The following SHISA6 variants were observed in gnomAD, a reference collection of about 807,000 sequenced individuals.
SHISA6 encodes shisa family member 6.
SHISA6 carries 22 observed loss-of-function variants against 47.9 expected under a neutral mutation model. The observed-to-expected ratio is 0.46, with a 90% CI of 0.33 to 0.66. The LOEUF is 0.66. SHISA6 is among the 30% of genes least tolerant of loss of function. SHISA6 has a pLI of 0.02. For synonymous variants in SHISA6, 388 were observed against 337.8 expected (o/e 1.15, Z -1.63); for missense variants, 680 against 764.6 (o/e 0.89, Z 1.30).
At chr17:11,456,283 G>A (rs1018242851) in intron 3 of SHISA6, among the ~76,000 whole-genome samples, 3 of 152,162 alleles carry the variant, frequency 2.0e-5, no homozygotes, top group Admixed American at 6.5e-5. Flanking sequence ...GCTCTGCACC[G>A]AGGCACCTGG....
chr17:11,506,056 TTCCACTGAAA>T lies in SHISA6; in HGVS notation c.896-45838_896-45829del, dbSNP rs565339970. Among the ~76,000 whole-genome samples, 113 of 152,328 alleles carry T rather than the reference TTCCACTGAAA, an allele frequency of 7.4e-4. 1 individual carries two copies. The highest frequency in any genetic ancestry group is 1.2e-3 in the Admixed American group (19 of 15,304). ...GCAACTGACCACTCCTAATGCAGATTTCCACTGAAATAGGAGATAGGGAACAATGCATATC... is the reference window on the plus strand; with the variant it reads ...GCAACTGACCACTCCTAATGCAGATTTAGGAGATAGGGAACAATGCATATC... On this transcript the variant is annotated intron_variant, in intron 3 of 5. Coordinates refer to ENST00000441885, the MANE Select transcript of SHISA6 (RefSeq NM_207386.4).
chr17:11,378,649 T>C (rs1912898920), intron 2 of SHISA6, among the ~76,000 whole-genome samples: 1 of 152,208 alleles, frequency 6.6e-6, no homozygotes, highest in African/African-American at 2.4e-5. Flanking sequence ...CTCTTTGAAT[T>C]TCTATCCACA....
intron 1 of SHISA6, among the ~76,000 whole-genome samples, chr17:11,249,283 CGTGT>C (rs749579629): frequency 6.6e-6 from 1 of 150,734 alleles, no homozygotes; most frequent in Non-Finnish European, 1.5e-5. Flanking sequence ...ATCCAGTGGC[CGTGT>C]GTGTGTGTGT....
At chr17:11,250,521 C>A (rs908991505) in intron 1 of SHISA6, among the ~76,000 whole-genome samples, 1 of 152,168 alleles carries the variant, frequency 6.6e-6, no homozygotes, top group Admixed American at 6.5e-5. Context: ...AGGCAGGTGA[C>A]AAGGGTTACC....
intron 1 of SHISA6, among the ~76,000 whole-genome samples, chr17:11,244,163 G>A (rs936745088): frequency 1.3e-5 from 2 of 152,190 alleles, no homozygotes; most frequent in Non-Finnish European, 2.9e-5. Context: ...CGGGAAGGGA[G>A]ATGAATTTCA....
intron 1 of SHISA6, among the ~76,000 whole-genome samples, chr17:11,247,861 G>A (rs769029802): frequency 6.7e-5 from 10 of 148,718 alleles, no homozygotes; most frequent in Non-Finnish European, 1.0e-4. Context: ...TGCAACTTCC[G>A]CCTCCCTGGT....
At chr17:11,390,229 A>T (rs551796991) in intron 3 of SHISA6, among the ~76,000 whole-genome samples, 1 of 152,218 alleles carries the variant, frequency 6.6e-6, no homozygotes, top group Non-Finnish European at 1.5e-5. Context: ...GGAGTCAGAC[A>T]TGCTGGACTT....
intron 3 of SHISA6, among the ~76,000 whole-genome samples, chr17:11,423,013 G>C (rs1011963134): frequency 1.3e-5 from 2 of 151,100 alleles, no homozygotes; most frequent in African/African-American, 4.9e-5. Flanking sequence ...AAAAAACAGA[G>C]GGAATTAAAA....
chr17:11,245,529 C>A (rs1597418334), intron 1 of SHISA6, among the ~76,000 whole-genome samples: 1 of 152,186 alleles, frequency 6.6e-6, no homozygotes, highest in African/African-American at 2.4e-5. Flanking sequence ...TGTCTCACAT[C>A]CAAACCTGTT....
At chr17:11,495,888 G>A (rs1009537811) in intron 3 of SHISA6, among the ~76,000 whole-genome samples, 4 of 152,292 alleles carry the variant, frequency 2.6e-5, no homozygotes, top group Admixed American at 2.6e-4. Context: ...AGAAGCTGAG[G>A]GAAAGAAGCG....
intron 3 of SHISA6, among the ~76,000 whole-genome samples, chr17:11,454,518 A>C (rs543262411): frequency 2.0e-5 from 3 of 152,276 alleles, no homozygotes; most frequent in Non-Finnish European, 4.4e-5. Context: ...ACACTCAGCC[A>C]ATTTTCCACT....
chr17:11,519,849 T>C (rs2071614581), intron 3 of SHISA6, among the ~76,000 whole-genome samples: 1 of 152,128 alleles, frequency 6.6e-6, no homozygotes, highest in Non-Finnish European at 1.5e-5. Flanking sequence ...TCATTTAACC[T>C]AGCTGAAGCA....
At chr17:11,285,981 C>T (rs1167776236) in intron 2 of SHISA6, among the ~76,000 whole-genome samples, 1 of 151,988 alleles carries the variant, frequency 6.6e-6, no homozygotes, top group Non-Finnish European at 1.5e-5. Flanking sequence ...GGATTACAGG[C>T]ACGTGCCACC....
chr17:11,473,352 G>T (rs1056084920), intron 3 of SHISA6, among the ~76,000 whole-genome samples: 5 of 152,078 alleles, frequency 3.3e-5, no homozygotes, highest in Non-Finnish European at 5.9e-5. Context: ...AAATTTATTT[G>T]TTATGGTTCT....
intron 3 of SHISA6, among the ~76,000 whole-genome samples, chr17:11,487,252 A>G (rs764130756): frequency 5.3e-5 from 8 of 152,212 alleles, no homozygotes; most frequent in East Asian, 1.9e-4. Flanking sequence ...AAGAGACTGA[A>G]TAAGTATCCT....
chr17:11,399,898 T>G (rs1442197692), intron 3 of SHISA6, among the ~76,000 whole-genome samples: 1 of 152,166 alleles, frequency 6.6e-6, no homozygotes, highest in Non-Finnish European at 1.5e-5. Context: ...AAATTAAATC[T>G]CCATAACTAA....
chr17:11,413,420 C>G (rs1025271192), intron 3 of SHISA6, among the ~76,000 whole-genome samples: 2 of 152,200 alleles, frequency 1.3e-5, no homozygotes, highest in African/African-American at 4.8e-5. Context: ...CCCAGACATT[C>G]AAGGAAAAGC....
At chr17:11,455,923 AT>A (rs745375884) in intron 3 of SHISA6, among the ~76,000 whole-genome samples, 49 of 152,194 alleles carry the variant, frequency 3.2e-4, no homozygotes, top group Admixed American at 1.4e-3. Flanking sequence ...AAATGAGTGC[AT>A]TTTCTTCTAG....
intron 3 of SHISA6, among the ~76,000 whole-genome samples, chr17:11,495,932 C>T (rs2071403845): frequency 1.3e-5 from 2 of 152,138 alleles, no homozygotes; most frequent in Non-Finnish European, 2.9e-5. Context: ...CTGGAGAAGT[C>T]CCAAAATGAC....
Sources: gnomAD v4.1 joint callset for allele counts (sites outside exome capture counted in the v4.1 genomes callset) on GRCh38, gnomAD v4.1.1 for gene constraint, MANE v1.5 for transcripts, NCBI Gene and HGNC (gene_info 2026-07-23, HGNC 2026-07-21) for gene names.